Variants in LUZP2 observed in about 807,000 individuals in gnomAD.
LUZP2 encodes leucine zipper protein 2.
A neutral mutation model predicts 51.6 loss-of-function variants in LUZP2; 52 were observed. That is an observed-to-expected ratio of 1.01 (90% CI 0.81 to 1.27). The LOEUF is 1.27. Among genes scored for constraint, LUZP2 ranks in the 50% most tolerant of loss-of-function variants. The pLI, the probability that LUZP2 is intolerant of heterozygous loss-of-function variation, is 0.00. For synonymous variants in LUZP2, 154 were observed against 137.3 expected (o/e 1.12, Z -0.85); for missense variants, 436 against 395.4 (o/e 1.10, Z -0.87).
chr11:25,072,733 T>C (rs568914338), intron 10 of LUZP2, among the ~76,000 whole-genome samples: 7 of 152,020 alleles, frequency 4.6e-5, no homozygotes, highest in Admixed American at 4.6e-4. Flanking sequence ...CCAAGGGAGC[T>C]TCCCTAGAAG....
chr11:24,993,373 A>G (rs1182155217), intron 9 of LUZP2, among the ~76,000 whole-genome samples: 2 of 152,166 alleles, frequency 1.3e-5, no homozygotes, highest in East Asian at 3.8e-4. Flanking sequence ...AACTCTATCA[A>G]TGTCATTATT....
intron 7 of LUZP2, among the ~76,000 whole-genome samples, chr11:24,927,923 T>A (rs1471403415): frequency 6.6e-6 from 1 of 152,082 alleles, no homozygotes; most frequent in African/African-American, 2.4e-5. Context: ...TCAGCACTGC[T>A]TTGTAGTTTT....
At chr11:24,684,578 G>A (rs1002782231) in intron 1 of LUZP2, among the ~76,000 whole-genome samples, 1 of 152,184 alleles carries the variant, frequency 6.6e-6, no homozygotes, top group Non-Finnish European at 1.5e-5. Context: ...TCAGGGAGCT[G>A]AAGCCATAGG....
chr11:24,870,186 G>A (rs1852017050), intron 5 of LUZP2, among the ~76,000 whole-genome samples: 2 of 152,100 alleles, frequency 1.3e-5, no homozygotes, highest in African/African-American at 4.8e-5. Context: ...TGAGCTATCG[G>A]GGTGAGTTCA....
rs561730225 is a variant in LUZP2, at chr11:24,909,321, C to T, written c.459+3268C>T. Among the ~76,000 whole-genome samples, 5 of 151,704 alleles carry T rather than the reference C, an allele frequency of 3.3e-5. No homozygotes were observed. The East Asian group carries it at 9.7e-4, about 29-fold the overall frequency. On this transcript the variant is annotated intron_variant, in intron 6 of 11. Transcript: ENST00000336930. ...TGATATTCTGTACATTCAGAATATG[C>T]ACTTTAATTATGTTTTAAAAATGAA... is the stretch of plus-strand genomic sequence containing the variant.
chr11:24,589,644 A>G (rs1321074076), intron 1 of LUZP2, among the ~76,000 whole-genome samples: 1 of 152,172 alleles, frequency 6.6e-6, no homozygotes, highest in African/African-American at 2.4e-5. Flanking sequence ...CAATTTTTTT[A>G]AGGAATTCTT....
intron 7 of LUZP2, among the ~76,000 whole-genome samples, chr11:24,965,007 C>G (rs1855539696): frequency 1.3e-5 from 2 of 151,232 alleles, no homozygotes; most frequent in African/African-American, 4.9e-5. Context: ...GAGTCTAGAA[C>G]CTATTAATTA....
At chr11:24,564,594 G>A (rs1852156310) in intron 1 of LUZP2, among the ~76,000 whole-genome samples, 1 of 152,050 alleles carries the variant, frequency 6.6e-6, no homozygotes, top group African/African-American at 2.4e-5. Context: ...TATGCCCCAA[G>A]CCAGAAACCC....
rs372087375 is a variant in LUZP2, at chr11:24,761,261, T to C, written c.334-1985T>C. On this transcript the variant is annotated intron_variant, in intron 4 of 11. Coordinates refer to ENST00000336930, the MANE Select transcript of LUZP2 (RefSeq NM_001009909.4). ...CAAAGCTGGAGTAGGCAGCTTCACA[T>C]GGGCAGAACAGGAGGAAGACAGAGA... 2.5e-4 allele frequency among the ~76,000 whole-genome samples: 38 copies of C among 152,174 alleles called. No homozygotes were observed. The East Asian group carries it at 3.3e-3, about 13-fold the overall frequency.
intron 9 of LUZP2, among the ~76,000 whole-genome samples, chr11:25,042,755 GC>G (rs1199462937): frequency 6.6e-6 from 1 of 152,018 alleles, no homozygotes; most frequent in Non-Finnish European, 1.5e-5. Flanking sequence ...GTCTATATCT[GC>G]CCCCATTACC....
intron 5 of LUZP2, among the ~76,000 whole-genome samples, chr11:24,859,192 T>G (rs1376941601): frequency 1.3e-5 from 2 of 152,208 alleles, no homozygotes; most frequent in Non-Finnish European, 2.9e-5. Flanking sequence ...TGACTTATAT[T>G]AAGTCATCTT....
At chr11:24,741,841 T>TTATATAATTTATA (rs1859155931) in intron 4 of LUZP2, among the ~76,000 whole-genome samples, 1 of 139,266 alleles carries the variant, frequency 7.2e-6, no homozygotes, top group African/African-American at 2.7e-5. Context: ...TTATATATAT[T>TTATATAATTTATA]TATAAATATA....
intron 7 of LUZP2, among the ~76,000 whole-genome samples, chr11:24,927,095 CTT>C (rs893396683): frequency 6.9e-6 from 1 of 144,038 alleles, no homozygotes; most frequent in Non-Finnish European, 1.5e-5. Context: ...TTGATGGGAT[CTT>C]TTTTTTTTTC....
chr11:24,598,582 T>C (rs1234246326), intron 1 of LUZP2, among the ~76,000 whole-genome samples: 2 of 152,246 alleles, frequency 1.3e-5, no homozygotes, highest in East Asian at 3.9e-4. Flanking sequence ...TATATCTCAC[T>C]GTGTTCAGAA....
chr11:24,726,371 G>A (rs2133960835), intron 1 of LUZP2, among the ~76,000 whole-genome samples: 1 of 151,982 alleles, frequency 6.6e-6, no homozygotes, highest in East Asian at 1.9e-4. Context: ...GGCTAGAATA[G>A]CTGATAGGCA....
At chr11:24,837,540 T>A (rs1850896710) in intron 5 of LUZP2, among the ~76,000 whole-genome samples, 1 of 151,770 alleles carries the variant, frequency 6.6e-6, no homozygotes, top group South Asian at 2.1e-4. Flanking sequence ...GTTCTGCATT[T>A]TTAAAATAAC....
intron 5 of LUZP2, among the ~76,000 whole-genome samples, chr11:24,888,949 C>A (rs146492670): frequency 6.6e-6 from 1 of 152,074 alleles, no homozygotes. Context: ...CTGAGGCCTC[C>A]CCAGCCATGC....
intron 9 of LUZP2, among the ~76,000 whole-genome samples, chr11:25,019,720 T>C (rs1857274038): frequency 6.6e-6 from 1 of 152,126 alleles, no homozygotes; most frequent in Non-Finnish European, 1.5e-5. Flanking sequence ...TTATCTAATA[T>C]GTTATTGAGC....
intron 5 of LUZP2, among the ~76,000 whole-genome samples, chr11:24,789,605 G>C (rs1420456006): frequency 6.6e-6 from 1 of 152,042 alleles, no homozygotes; most frequent in Non-Finnish European, 1.5e-5. Context: ...AGTCTATTCA[G>C]GCTGCCATAA....
Sources: allele counts gnomAD v4.1 joint callset (sites outside exome capture counted in the v4.1 genomes callset), GRCh38; gene constraint gnomAD v4.1.1; transcripts MANE v1.5; gene names NCBI Gene and HGNC (gene_info 2026-07-23, HGNC 2026-07-21).